Variants in PRKG1 observed in about 807,000 individuals in gnomAD.
PRKG1 encodes cGMP-dependent protein kinase 1.
A neutral mutation model predicts 88.1 loss-of-function variants in PRKG1; 35 were observed. The ratio of observed to expected loss-of-function variants is 0.40; its 90% confidence interval spans 0.30 to 0.53. The LOEUF (loss-of-function observed/expected upper bound fraction) is 0.53, where lower values mean the gene tolerates loss of function less well. Among genes scored for constraint, PRKG1 ranks in the 20% least tolerant of loss-of-function variants. The pLI, the probability that PRKG1 is intolerant of heterozygous loss-of-function variation, is 0.59. For synonymous variants in PRKG1, 303 were observed against 292.5 expected (o/e 1.04, Z -0.37); for missense variants, 540 against 839.8 (o/e 0.64, Z 4.41).
intron 2 of PRKG1, among the ~76,000 whole-genome samples, chr10:51,329,290 C>G (rs757981466): frequency 1.3e-5 from 2 of 152,078 alleles, no homozygotes; most frequent in South Asian, 4.1e-4. Context: ...TGTGGATATT[C>G]AGTTTCCCCT....
intron 5 of PRKG1, among the ~76,000 whole-genome samples, chr10:51,915,428 T>C (rs1842318085): frequency 6.6e-6 from 1 of 152,226 alleles, no homozygotes; most frequent in Admixed American, 6.5e-5. Flanking sequence ...TGGCCTAACA[T>C]GCTCTGAGTT....
chr10:52,253,154 G>C (rs958603178), intron 10 of PRKG1, among the ~76,000 whole-genome samples: 17 of 151,894 alleles, frequency 1.1e-4, no homozygotes, highest in African/African-American at 4.1e-4. Flanking sequence ...TTCTCAGAGA[G>C]TGATTGTAGG....
chr10:51,587,521 G>C (rs1589109410), intron 3 of PRKG1, among the ~76,000 whole-genome samples: 1 of 152,232 alleles, frequency 6.6e-6, no homozygotes, highest in South Asian at 2.1e-4. Flanking sequence ...GTTTAAAGCA[G>C]TTTCCTCTGC....
chr10:52,271,474 C>T lies in PRKG1; in HGVS notation c.1298C>T (p.Ser433Phe). 6.2e-7 allele frequency: 1 copy of T among 1,612,448 alleles called. No homozygotes were observed. The highest frequency in any genetic ancestry group is 8.5e-7 in the Non-Finnish European group (1 of 1,179,066). ...SEKQIMQGAH[S>F]DFIVRLYRTF... Reference sequence around the variant, plus strand: ...AAGCAGATCATGCAGGGGGCTCATTCCGATTTCATAGTGAGGTAAAGGCTC... The same window carrying T: ...AAGCAGATCATGCAGGGGGCTCATTTCGATTTCATAGTGAGGTAAAGGCTC... The change falls in exon 11 of 18, where the codon TCC becomes TTC. Residue 433 changes from serine (S) to phenylalanine (F), a missense_variant. Ser to Phe is a radical substitution (Grantham distance 155, BLOSUM62 -2). Coordinates refer to ENST00000373980, the MANE Select transcript of PRKG1 (RefSeq NM_006258.4).
At chr10:51,088,808 ATTT>A (rs200475991) in intron 1 of PRKG1, among the ~76,000 whole-genome samples, 7 of 137,006 alleles carry the variant, frequency 5.1e-5, no homozygotes, top group African/African-American at 8.1e-5. Context: ...ATTTAATATG[ATTT>A]TTTTTTTTTT....
intron 2 of PRKG1, among the ~76,000 whole-genome samples, chr10:51,407,677 A>G (rs1837959372): frequency 6.6e-6 from 1 of 152,212 alleles, no homozygotes; most frequent in Non-Finnish European, 1.5e-5. Flanking sequence ...TGAGTGACCT[A>G]AACCTTCATT....
chr10:51,003,935 C>A (rs1213362519), intron 1 of PRKG1, among the ~76,000 whole-genome samples: 1 of 152,100 alleles, frequency 6.6e-6, no homozygotes, highest in African/African-American at 2.4e-5. Context: ...CCATAGTATT[C>A]ATGTACCTCA....
chr10:51,017,633 G>A (rs1283892286), intron 1 of PRKG1, among the ~76,000 whole-genome samples: 1 of 152,090 alleles, frequency 6.6e-6, no homozygotes, highest in Non-Finnish European at 1.5e-5. Context: ...TTATAAAACA[G>A]TTGCACTGAC....
intron 3 of PRKG1, among the ~76,000 whole-genome samples, chr10:51,620,815 C>T (rs1190370076): frequency 6.6e-6 from 1 of 151,726 alleles, no homozygotes; most frequent in Non-Finnish European, 1.5e-5. Context: ...CTTAGGGCCA[C>T]ATTGCAAGCA....
intron 3 of PRKG1, among the ~76,000 whole-genome samples, chr10:51,673,630 T>C (rs542540645): frequency 6.6e-6 from 1 of 152,358 alleles, no homozygotes; most frequent in East Asian, 1.9e-4. Context: ...ATTTCTCATC[T>C]TGTGACCCCA....
At chr10:51,002,489 A>G (rs10995318) in intron 1 of PRKG1, among the ~76,000 whole-genome samples, 27,031 of 152,180 alleles carry the variant, frequency 0.18, 2,978 homozygotes, top group South Asian at 0.3. Flanking sequence ...TTTATGAGAT[A>G]CTCTACTCTG....
At chr10:51,258,643 C>T (rs10490976) in intron 2 of PRKG1, among the ~76,000 whole-genome samples, 5,775 of 152,294 alleles carry the variant, frequency 0.038, 357 homozygotes, top group African/African-American at 0.13. Flanking sequence ...TGGGTCAGTA[C>T]TCCTGCTTCA....
At chr10:51,613,225 G>C (rs569585607) in intron 3 of PRKG1, among the ~76,000 whole-genome samples, 2 of 151,804 alleles carry the variant, frequency 1.3e-5, no homozygotes, top group African/African-American at 4.8e-5. Context: ...CAAATTTTCT[G>C]TTTCTTCCTG....
rs1424812354 is a variant in PRKG1 at position 51,392,961 on chromosome 10, A to AC, written c.479-74756dup. On this transcript the variant is annotated intron_variant, in intron 2 of 17. Transcript: ENST00000373980. ...GGGCGGCTGGCCGGGCTGAGGGCTGACCCCCCACCTCCCTCCCGGACAGGG... is the reference window on the plus strand; with the variant it reads ...GGGCGGCTGGCCGGGCTGAGGGCTGACCCCCCCACCTCCCTCCCGGACAGGG... Among the ~76,000 whole-genome samples the AC allele has an allele frequency of 8.7e-5, 10 of 114,520 alleles. No individual in the cohort carries two copies. In the South Asian group the frequency reaches 1.5e-3, roughly 17 times the overall value. The allele number at this position is 114,520 out of a possible 152,430, so 75.1% of individuals were successfully genotyped here.
Position 51,028,692 on chromosome 10 carries a change from G to A in PRKG1, c.266+37048G>A, listed in dbSNP as rs555317702. Among the ~76,000 whole-genome samples the A allele has an allele frequency of 1.2e-4, 19 of 152,262 alleles. No individual in the cohort carries two copies. In the South Asian group the frequency reaches 3.5e-3, roughly 28 times the overall value. On this transcript the variant is annotated intron_variant, in intron 1 of 17. Transcript: ENST00000401604. ...GAGTTCAAGCCAAGGATGGATTTAA[G>A]TTTGTTGGCTCAAATAAGTAAGAAG...
intron 2 of PRKG1, among the ~76,000 whole-genome samples, chr10:51,383,589 T>C (rs1462126025): frequency 6.6e-6 from 1 of 152,188 alleles, no homozygotes; most frequent in Non-Finnish European, 1.5e-5. Context: ...ATTTGAATGC[T>C]GGGAACCAGG....
intron 4 of PRKG1, among the ~76,000 whole-genome samples, chr10:51,806,901 C>T (rs867490608): frequency 9.9e-5 from 15 of 152,126 alleles, no homozygotes; most frequent in African/African-American, 3.1e-4. Flanking sequence ...CCCTCTCCTC[C>T]GTCACTGTCA....
intron 2 of PRKG1, among the ~76,000 whole-genome samples, chr10:51,360,252 T>C (rs1842451578): frequency 6.6e-6 from 1 of 151,918 alleles, no homozygotes; most frequent in Non-Finnish European, 1.5e-5. Context: ...GCATCAGGCC[T>C]GGGAAGCAGA....
chr10:52,113,808 T>G (rs964843724), intron 7 of PRKG1, among the ~76,000 whole-genome samples: 1 of 152,168 alleles, frequency 6.6e-6, no homozygotes, highest in Non-Finnish European at 1.5e-5. Flanking sequence ...TGCTTTATGA[T>G]TTTTTAAAAT....
Sources: gnomAD v4.1 joint callset for allele counts (sites outside exome capture counted in the v4.1 genomes callset) on GRCh38, gnomAD v4.1.1 for gene constraint, MANE v1.5 for transcripts, NCBI Gene and HGNC (gene_info 2026-07-23, HGNC 2026-07-21) for gene names.